TNRC6C: variants seen among roughly 807,000 people sequenced by gnomAD.
TNRC6C encodes trinucleotide repeat containing adaptor 6C.
In TNRC6C, 20 loss-of-function variants were observed where a neutral mutation model predicts 153.7. The ratio of observed to expected loss-of-function variants is 0.13; its 90% CI spans 0.09 to 0.19. The LOEUF (loss-of-function observed/expected upper bound fraction) is 0.19. Among genes scored for constraint, TNRC6C ranks in the 10% least tolerant of loss-of-function variants. The pLI, the probability that TNRC6C is intolerant of heterozygous loss-of-function variation, is 1.00. For missense variants in TNRC6C, 1,987 were observed against 2,172.0 expected (o/e 0.91, Z 1.69); for synonymous variants, 811 against 841.4 (o/e 0.96, Z 0.63).
intron 1 of TNRC6C, among the ~76,000 whole-genome samples, chr17:77,964,968 G>C (rs958867704): frequency 1.5e-4 from 23 of 152,182 alleles, no homozygotes; most frequent in Admixed American, 6.5e-5. Flanking sequence ...AGTCACTGAG[G>C]ACAATTGGGA....
At chr17:78,098,967 G>A (rs762702292) in intron 17 of TNRC6C, among the ~76,000 whole-genome samples, 5 of 152,164 alleles carry the variant, frequency 3.3e-5, no homozygotes, top group South Asian at 2.1e-4. Flanking sequence ...TCACTGGGAC[G>A]TAAGGCTTTT....
intron 1 of TNRC6C, among the ~76,000 whole-genome samples, chr17:77,982,651 G>A (rs2071096588): frequency 2.0e-5 from 3 of 152,138 alleles, no homozygotes; most frequent in Admixed American, 1.3e-4. Context: ...GGCCAACATG[G>A]TGAAACCCCA....
At chr17:78,086,342 A>C (rs1383763070) in intron 11 of TNRC6C, among the ~76,000 whole-genome samples, 161 bp from the exon 14 acceptor site, 2 of 117,098 alleles carry the variant, frequency 1.7e-5, no homozygotes, top group Non-Finnish European at 3.4e-5. Context: ...AAAAAAAAAA[A>C]AAAAAAAAAA....
At chr17:77,975,748 AC>A (rs1486224863) in intron 1 of TNRC6C, among the ~76,000 whole-genome samples, 7 of 152,238 alleles carry the variant, frequency 4.6e-5, no homozygotes, top group Non-Finnish European at 1.0e-4. Flanking sequence ...GCCACATAAG[AC>A]TTGAATAAAA....
Position 78,104,378 on chromosome 17 carries a change from C to T in TNRC6C, c.4713-107C>T, listed in dbSNP as rs973254758. 3.3e-5 allele frequency: 46 copies of T among 1,377,566 alleles called. No individual in the cohort carries two copies. The highest frequency in any genetic ancestry group is 4.2e-5 in the Non-Finnish European group (44 of 1,057,804). 85.3% of individuals were successfully genotyped at this position (1,377,566 alleles called of 1,614,324 possible). On this transcript the variant is annotated intron_variant, in intron 19 of 19. Coordinates refer to ENST00000301624, the Ensembl canonical transcript of TNRC6C. The surrounding 1 kb of genome is among the most constrained non-coding windows in gnomAD (Gnocchi z 6.2). ...AATAGCAGTGGCAAAACAGAAGCCA[C>T]AGGATGGCTTCCATGTGGGGCCGTT...
At chr17:77,979,591 G>A (rs567773262) in intron 1 of TNRC6C, among the ~76,000 whole-genome samples, 76 of 152,052 alleles carry the variant, frequency 5.0e-4, no homozygotes, top group Non-Finnish European at 9.1e-4. Context: ...GAGACAAATG[G>A]GACACTGTTA....
At chr17:78,051,577 C>A in intron 3 of TNRC6C, 129 bp downstream of exon 5, 1 of 1,044,748 alleles carries the variant, frequency 9.6e-7, no homozygotes, top group Admixed American at 3.5e-5. Flanking sequence ...TTTAAGTTCC[C>A]TATCACCGTG....
At chr17:78,043,087 G>A (rs1488594621) in intron 2 of TNRC6C, among the ~76,000 whole-genome samples, 1 of 152,150 alleles carries the variant, frequency 6.6e-6, no homozygotes, top group Non-Finnish European at 1.5e-5. Flanking sequence ...ATTTGATGAG[G>A]TGGAAGAACC....
At chr17:77,959,153 C>G (rs2070838757), upstream of TNRC6C, 3 of 145,384 alleles carry the variant, frequency 2.1e-5, no homozygotes, top group Non-Finnish European at 4.6e-5. Context: ...CTGAGCGGGC[C>G]CCCGCCGCCC....
chr17:78,026,554 A>G (rs1050118933), intron 1 of TNRC6C, among the ~76,000 whole-genome samples: 10 of 152,192 alleles, frequency 6.6e-5, no homozygotes, highest in Admixed American at 5.9e-4. Context: ...GAATTGATGA[A>G]ATGTGGTGGT....
chr17:78,083,885 T>C (rs2073226794), intron 11 of TNRC6C, among the ~76,000 whole-genome samples: 1 of 152,246 alleles, frequency 6.6e-6, no homozygotes, highest in South Asian at 2.1e-4. Flanking sequence ...CCTAGATGCT[T>C]ACTGAAATTA....
exon 17 of TNRC6C, chr17:78,098,404 T>A: frequency 6.2e-7 from 1 of 1,613,890 alleles, no homozygotes; most frequent in Non-Finnish European, 8.5e-7. Flanking sequence ...CGCAAGCCTC[T>A]CTGTCTCATG....
At position 78,102,436 on chromosome 17, in the gene TNRC6C, C is replaced by T. The variant is rs376724539; in HGVS notation, c.4502-38C>T. On this transcript the variant is annotated intron_variant, in intron 17 of 19. Coordinates refer to ENST00000301624, the Ensembl canonical transcript of TNRC6C. Reference sequence around the variant, plus strand: ...GGGAGGGCCGCACTATCCACTGGCACGGGGCCTTGTCAACCAGGTTCTCCC... The same window carrying T: ...GGGAGGGCCGCACTATCCACTGGCATGGGGCCTTGTCAACCAGGTTCTCCC... 468 of 1,576,626 alleles carry T rather than the reference C, an allele frequency of 3.0e-4. 1 individual carries two copies. The highest frequency in any genetic ancestry group is 6.6e-4 in the South Asian group (57 of 86,164).
chr17:78,013,556 A>C (rs767950654), intron 1 of TNRC6C, among the ~76,000 whole-genome samples: 1 of 152,226 alleles, frequency 6.6e-6, no homozygotes, highest in Non-Finnish European at 1.5e-5. Context: ...ATGTTAAAAT[A>C]GAGATACACT....
intron 1 of TNRC6C, among the ~76,000 whole-genome samples, chr17:77,981,797 G>A (rs910783279): frequency 6.6e-6 from 1 of 152,172 alleles, no homozygotes; most frequent in Non-Finnish European, 1.5e-5. Flanking sequence ...TCTATGGCTG[G>A]ATTCATGCTG....
At chr17:78,103,097 C>G (rs539021268) in intron 18 of TNRC6C, among the ~76,000 whole-genome samples, 29 of 152,338 alleles carry the variant, frequency 1.9e-4, no homozygotes, top group African/African-American at 7.0e-4. Flanking sequence ...AGCAGCTGGA[C>G]CCAGGTGCCT....
At chr17:78,074,786 A>G (rs773079830) in intron 7 of TNRC6C, among the ~76,000 whole-genome samples, 15 of 152,232 alleles carry the variant, frequency 9.9e-5, no homozygotes, top group Non-Finnish European at 1.9e-4. Context: ...TCTTGCAGAA[A>G]ACTAGGGGAG....
At chr17:78,072,978 T>C in intron 6 of TNRC6C, 59 bp from the exon 9 acceptor site, 1 of 1,299,690 alleles carries the variant, frequency 7.7e-7, no homozygotes, top group Non-Finnish European at 1.1e-6. Flanking sequence ...TTAAATTGTT[T>C]GTAACCTTTC....
At chr17:78,067,807 C>G (rs1427687480) in exon 5 of TNRC6C, 1 of 1,613,846 alleles carries the variant, frequency 6.2e-7, no homozygotes, top group Non-Finnish European at 8.5e-7. Context: ...TGAAATGAAC[C>G]TCAGTACCAG....
Sources: allele counts gnomAD v4.1 joint callset (sites outside exome capture counted in the v4.1 genomes callset), GRCh38; gene constraint gnomAD v4.1.1; non-coding constraint Gnocchi (gnomAD v3.1); transcripts MANE v1.5; gene names NCBI Gene and HGNC (gene_info 2026-07-23, HGNC 2026-07-21).